The following MECOM variants were observed in gnomAD, a reference collection of about 807,000 sequenced individuals.
MECOM encodes the protein MDS1 and EVI1 complex locus, also known as histone-lysine N-methyltransferase MECOM.
In MECOM, 13 loss-of-function variants were observed where a neutral mutation model predicts 116.3. That is an observed-to-expected ratio of 0.11 (90% CI 0.07 to 0.18). The LOEUF (loss-of-function observed/expected upper bound fraction) is 0.18, where lower values mean the gene tolerates loss of function less well. MECOM is among the 10% of genes least tolerant of loss of function. The pLI, the probability that MECOM is intolerant of heterozygous loss-of-function variation, is 1.00. For missense variants in MECOM, 1,299 were observed against 1,509.0 expected (o/e 0.86, Z 2.31); for synonymous variants, 528 against 535.2 (o/e 0.99, Z 0.19).
chr3:169,233,734 A>G (rs976823897), intron 2 of MECOM, among the ~76,000 whole-genome samples: 16 of 152,246 alleles, frequency 1.1e-4, no homozygotes, highest in Non-Finnish European at 1.8e-4. Context: ...CAAAATAAAC[A>G]GGGTTAAGAT....
rs1249126506 is a variant in MECOM, at chr3:169,472,557, AGAGAG to A, written c.38-91038_38-91034del. 1.3e-3 allele frequency among the ~76,000 whole-genome samples: 80 copies of A among 63,262 alleles called. 3 individuals carry two copies. The highest frequency in any genetic ancestry group is 1.5e-3 in the Non-Finnish European group (52 of 34,166). 41.5% of individuals were successfully genotyped at this position (63,262 alleles called of 152,430 possible). On this transcript the variant is annotated intron_variant, in intron 1 of 16. Coordinates refer to ENST00000651503, the MANE Select transcript of MECOM (RefSeq NM_004991.4). Reference sequence around the variant, plus strand: ...GAAAAGGAAAGGAAAGGAAAAGAAAAGAGAGGAGAGGAGAGGAGAGGAGAGGAAAG... The same window carrying A: ...GAAAAGGAAAGGAAAGGAAAAGAAAAGAGAGGAGAGGAGAGGAGAGGAAAG...
rs1483371733 is a variant in MECOM at position 169,178,964 on chromosome 3, A to G, written c.376-35132T>C. Reference sequence around the variant, plus strand: ...AAATTACAGTTTGTTAAGTAAAATGAAAAGTTCAATTTTTAATATACTACG... The same window carrying G: ...AAATTACAGTTTGTTAAGTAAAATGGAAAGTTCAATTTTTAATATACTACG... On this transcript the variant is annotated intron_variant, in intron 2 of 16. Coordinates refer to ENST00000651503, the MANE Select transcript of MECOM (RefSeq NM_004991.4). Among the ~76,000 whole-genome samples, 4 of 152,222 alleles carry G rather than the reference A, an allele frequency of 2.6e-5. No homozygotes were observed. The East Asian group carries it at 5.8e-4, about 22-fold the overall frequency.
intron 2 of MECOM, among the ~76,000 whole-genome samples, chr3:169,227,197 A>G (rs1191214846): frequency 6.6e-6 from 1 of 152,218 alleles, no homozygotes; most frequent in Non-Finnish European, 1.5e-5. Flanking sequence ...GGGAAAAAGG[A>G]CTAGATCATT....
At chr3:169,557,397 C>A (rs1313376689) in intron 1 of MECOM, among the ~76,000 whole-genome samples, 1 of 152,148 alleles carries the variant, frequency 6.6e-6, no homozygotes, top group East Asian at 1.9e-4. Context: ...TAAATAGAAA[C>A]ACTTCACTCT....
chr3:169,280,732 G>A (rs1039879908), intron 2 of MECOM, among the ~76,000 whole-genome samples: 6 of 152,148 alleles, frequency 3.9e-5, no homozygotes, highest in Non-Finnish European at 8.8e-5. Context: ...ACCATTGTGG[G>A]CCTTTAAAGG....
intron 1 of MECOM, among the ~76,000 whole-genome samples, chr3:169,580,839 T>C (rs779056870): frequency 6.6e-6 from 1 of 152,224 alleles, no homozygotes; most frequent in Non-Finnish European, 1.5e-5. Context: ...GTGTTTTGTT[T>C]TGTTTTGTTT....
intron 2 of MECOM, among the ~76,000 whole-genome samples, chr3:169,234,194 C>T (rs1753749730): frequency 6.6e-6 from 1 of 151,800 alleles, no homozygotes; most frequent in Admixed American, 6.6e-5. Flanking sequence ...CCTGAAAAGG[C>T]TGAAAAGGTG....
intron 1 of MECOM, among the ~76,000 whole-genome samples, chr3:169,497,371 A>T (rs1451728852): frequency 1.4e-5 from 2 of 146,976 alleles, no homozygotes; most frequent in Admixed American, 1.4e-4. Flanking sequence ...TTTGAGATGG[A>T]GTCTTACTCT....
chr3:169,515,099 C>G (rs928822047), intron 1 of MECOM, among the ~76,000 whole-genome samples: 1 of 151,998 alleles, frequency 6.6e-6, no homozygotes, highest in East Asian at 1.9e-4. Flanking sequence ...GAGCTCCAAG[C>G]GGAGCTCCCA....
chr3:169,498,330 CT>C (rs1754091378), intron 1 of MECOM, among the ~76,000 whole-genome samples: 1 of 152,134 alleles, frequency 6.6e-6, no homozygotes, highest in South Asian at 2.1e-4. Flanking sequence ...AAATTGCCCC[CT>C]GTTCAAAAGC....
chr3:169,130,319 C>T (rs1734240626), intron 4 of MECOM, among the ~76,000 whole-genome samples: 1 of 152,192 alleles, frequency 6.6e-6, no homozygotes, highest in Admixed American at 6.5e-5. Flanking sequence ...GAACTCCTTG[C>T]TGCCGAAGAG....
intron 2 of MECOM, among the ~76,000 whole-genome samples, chr3:169,267,152 CGA>C (rs1758414272): frequency 1.3e-5 from 2 of 152,314 alleles, no homozygotes; most frequent in East Asian, 3.9e-4. Flanking sequence ...TCACACCTTA[CGA>C]TACTACAGCA....
At chr3:169,562,629 C>T (rs1470130222) in intron 1 of MECOM, among the ~76,000 whole-genome samples, 1 of 152,114 alleles carries the variant, frequency 6.6e-6, no homozygotes, top group East Asian at 1.9e-4. Flanking sequence ...AGTTATCCAA[C>T]CCACAAAACC....
intron 2 of MECOM, among the ~76,000 whole-genome samples, chr3:169,235,513 C>T (rs1008439040): frequency 4.0e-5 from 6 of 151,314 alleles, no homozygotes; most frequent in African/African-American, 7.3e-5. Flanking sequence ...CATATGAAAA[C>T]GTGTTTACTA....
At chr3:169,531,724 A>G (rs1758653555) in intron 1 of MECOM, among the ~76,000 whole-genome samples, 1 of 152,226 alleles carries the variant, frequency 6.6e-6, no homozygotes, top group African/African-American at 2.4e-5. Context: ...ACAAATGGTT[A>G]CAAGTCTTAA....
At chr3:169,169,086 C>T (rs1278179829) in intron 2 of MECOM, among the ~76,000 whole-genome samples, 1 of 152,084 alleles carries the variant, frequency 6.6e-6, no homozygotes, top group Admixed American at 6.6e-5. Flanking sequence ...AATGTTTCCT[C>T]TTCATCTAGC....
intron 2 of MECOM, among the ~76,000 whole-genome samples, chr3:169,345,736 G>C (rs1725239054): frequency 6.6e-6 from 1 of 152,092 alleles, no homozygotes; most frequent in Non-Finnish European, 1.5e-5. Flanking sequence ...ATGGGCTAAT[G>C]TCTTTAAGCT....
At chr3:169,147,532 G>T (rs1275294927) in intron 2 of MECOM, 1 of 985,480 alleles carries the variant, frequency 1.0e-6, no homozygotes, top group African/African-American at 1.7e-5. Context: ...CTCCTCTGGC[G>T]GGAGAGGTCA....
chr3:169,417,693 G>T (rs1299243910), intron 1 of MECOM, among the ~76,000 whole-genome samples: 1 of 151,582 alleles, frequency 6.6e-6, no homozygotes, highest in Non-Finnish European at 1.5e-5. Flanking sequence ...CAATAGCAAA[G>T]ACTTGGAACC....
Sources: allele counts gnomAD v4.1 joint callset (sites outside exome capture counted in the v4.1 genomes callset), GRCh38; gene constraint gnomAD v4.1.1; transcripts MANE v1.5; gene names NCBI Gene and HGNC (gene_info 2026-07-23, HGNC 2026-07-21).